The following COL23A1 variants were observed in gnomAD, a reference collection of about 807,000 sequenced individuals.
COL23A1 encodes collagen type XXIII alpha 1 chain.
Under a neutral mutation model 99.3 loss-of-function variants are expected in COL23A1, and 97 were observed. The observed-to-expected ratio is 0.98, with a 90% confidence interval of 0.83 to 1.16. The LOEUF is 1.16. COL23A1 is among the 50% of genes most tolerant of loss of function. The probability of loss-of-function intolerance (pLI) is 0.00; values close to 1 mark genes in which losing one functional copy is unlikely to be tolerated. For missense variants in COL23A1, 762 were observed against 757.4 expected, an observed-to-expected ratio of 1.01 and a Z score of -0.07; for synonymous variants, 320 against 308.2, an observed-to-expected ratio of 1.04 and a Z score of -0.40.
intron 2 of COL23A1, among the ~76,000 whole-genome samples, chr5:178,518,507 T>G (rs1337602141): frequency 1.9e-5 from 2 of 104,308 alleles, no homozygotes; most frequent in African/African-American, 8.0e-5. Context: ...CCGGACGGGG[T>G]GGCTGGCCGG....
intron 2 of COL23A1, among the ~76,000 whole-genome samples, chr5:178,368,851 C>A (rs1293698626): frequency 1.3e-5 from 2 of 152,264 alleles, no homozygotes; most frequent in Non-Finnish European, 2.9e-5. Context: ...TTGCTTTCCC[C>A]CTCCTGACTG....
chr5:178,371,205 G>A (rs1762783134), intron 2 of COL23A1, among the ~76,000 whole-genome samples: 1 of 152,228 alleles, frequency 6.6e-6, no homozygotes. Context: ...AAGGAAAAAT[G>A]TTCTGTGCAG....
At chr5:178,243,052 T>C (rs568159599) in intron 25 of COL23A1, among the ~76,000 whole-genome samples, 1 of 152,126 alleles carries the variant, frequency 6.6e-6, no homozygotes, top group African/African-American at 2.4e-5. Flanking sequence ...TAGCCGAGTA[T>C]GGTGATGCGC....
Position 178,242,143 on chromosome 5 carries a change from A to AGATGGT in COL23A1, c.1495-21_1495-16dup, listed in dbSNP as rs1764436615. The stretch of plus-strand genomic sequence containing the variant: ...CCTCGTTCTCCCTGTGCAGGAGGGG[A>AGATGGT]GATGGTGGTATTGGTCATGGCTGCC... On this transcript the variant is annotated splice_polypyrimidine_tract_variant and intron_variant, in intron 26 of 28. Coordinates refer to ENST00000390654, the MANE Select transcript of COL23A1 (RefSeq NM_173465.4). The AGATGGT allele has an allele frequency of 6.5e-7, 1 of 1,547,344 alleles. No homozygotes were observed. Among genetic ancestry groups the AGATGGT allele is most frequent in the South Asian group, 1.2e-5 (1 of 84,090 alleles).
intron 2 of COL23A1, among the ~76,000 whole-genome samples, chr5:178,430,137 C>G (rs1255722270): frequency 6.6e-6 from 1 of 152,200 alleles, no homozygotes; most frequent in Admixed American, 6.5e-5. Context: ...CCAGAAACTT[C>G]TGGGTGGAAC....
At chr5:178,575,043 G>A (rs1763279734) in intron 1 of COL23A1, among the ~76,000 whole-genome samples, 1 of 152,324 alleles carries the variant, frequency 6.6e-6, no homozygotes, top group Middle Eastern at 3.4e-3. Context: ...AGAAGGAAAG[G>A]ACAGCTCCGC....
At chr5:178,481,092 G>C (rs149193775) in intron 2 of COL23A1, among the ~76,000 whole-genome samples, 1,740 of 136,946 alleles carry the variant, frequency 0.013, 39 homozygotes, top group African/African-American at 0.044. Flanking sequence ...AGGCTGCAGC[G>C]AGCCGAGATC....
intron 2 of COL23A1, among the ~76,000 whole-genome samples, chr5:178,325,395 G>A (rs1759591486): frequency 6.6e-6 from 1 of 151,948 alleles, no homozygotes; most frequent in Admixed American, 6.5e-5. Context: ...CCCTCCATGA[G>A]TTACTCCTAG....
intron 5 of COL23A1, among the ~76,000 whole-genome samples, chr5:178,276,625 C>T (rs916364871): frequency 2.7e-5 from 4 of 150,780 alleles, no homozygotes; most frequent in Admixed American, 6.6e-5. Context: ...CCCTTCAGGG[C>T]GGGTCAGCAC....
At chr5:178,565,943 T>C (rs1456950139) in intron 1 of COL23A1, among the ~76,000 whole-genome samples, 1 of 142,074 alleles carries the variant, frequency 7.0e-6, no homozygotes, top group South Asian at 2.2e-4. Flanking sequence ...TGAAACCCCA[T>C]CTCTACTAAA....
chr5:178,389,192 T>C (rs1442242114), intron 2 of COL23A1, among the ~76,000 whole-genome samples: 1 of 152,156 alleles, frequency 6.6e-6, no homozygotes, highest in African/African-American at 2.4e-5. Flanking sequence ...GTTGCCTCAG[T>C]GTGTGGCTTT....
rs1322044162 is a variant in COL23A1, at chr5:178,242,797, C to T, written c.1441-403G>A. On this transcript the variant is annotated intron_variant, in intron 25 of 28. Transcript: ENST00000390654. ...CTGTTCTGTGCCCTTGGCTCAACTT[C>T]CTGCACACCCATCTGTCCATTCATC... Among the ~76,000 whole-genome samples the T allele has an allele frequency of 2.6e-5, 4 of 152,210 alleles. No individual in the cohort carries two copies. In the East Asian group the frequency reaches 7.7e-4, roughly 29 times the overall value.
At chr5:178,269,836 G>A (rs1262674655) in intron 6 of COL23A1, among the ~76,000 whole-genome samples, 5 of 141,898 alleles carry the variant, frequency 3.5e-5, no homozygotes, top group East Asian at 2.2e-4. Flanking sequence ...TATATCTACC[G>A]ACTCACCCAT....
chr5:178,586,146 G>A (rs1199397924), intron 1 of COL23A1, among the ~76,000 whole-genome samples: 1 of 152,234 alleles, frequency 6.6e-6, no homozygotes, highest in Non-Finnish European at 1.5e-5. Flanking sequence ...TGGCCAAGTC[G>A]CTGACAGACC....
intron 19 of COL23A1, 24 bp from the exon 20 acceptor site, chr5:178,248,278 A>C: frequency 6.3e-7 from 1 of 1,598,978 alleles, no homozygotes; most frequent in Non-Finnish European, 8.6e-7. Flanking sequence ...ATGGCCTGTG[A>C]GTCCTTTGTG....
chr5:178,456,466 A>AC (rs1767800771), intron 2 of COL23A1, among the ~76,000 whole-genome samples: 3 of 152,214 alleles, frequency 2.0e-5, no homozygotes, highest in Non-Finnish European at 2.9e-5. Flanking sequence ...TGAGAGGCTG[A>AC]GCTGGGCGGA....
At chr5:178,263,466 C>T (rs1765748593) in intron 8 of COL23A1, 142 bp from the exon 9 acceptor site, 1 of 607,160 alleles carries the variant, frequency 1.6e-6, no homozygotes, top group Admixed American at 3.1e-5. Flanking sequence ...GTTATTGGGC[C>T]TCTTGCCACT....
chr5:178,560,573 G>A, intron 2 of COL23A1, 109 bp downstream of exon 2: 2 of 953,692 alleles, frequency 2.1e-6, no homozygotes, highest in East Asian at 2.6e-5. Context: ...AGTGCACGAA[G>A]ACGACAGCCT....
chr5:178,259,973 A>C (rs1765538397), intron 11 of COL23A1, among the ~76,000 whole-genome samples: 1 of 152,212 alleles, frequency 6.6e-6, no homozygotes, highest in African/African-American at 2.4e-5. Flanking sequence ...CTGTTCTTGA[A>C]AGTGGAGAGG....
Sources: gnomAD v4.1 joint callset for allele counts (sites outside exome capture counted in the v4.1 genomes callset) on GRCh38, gnomAD v4.1.1 for gene constraint, MANE v1.5 for transcripts, NCBI Gene and HGNC (gene_info 2026-07-23, HGNC 2026-07-21) for gene names.